CROT: variants seen among roughly 807,000 people sequenced by gnomAD.
CROT encodes carnitine O-octanoyltransferase.
A neutral mutation model predicts 89.2 loss-of-function variants in CROT; 84 were observed. That is an observed-to-expected ratio of 0.94 (90% CI 0.79 to 1.13). The LOEUF is 1.13. CROT is among the 50% of genes most tolerant of loss of function. The probability of loss-of-function intolerance (pLI) is 0.00; values close to 1 mark genes in which losing one functional copy is unlikely to be tolerated. For missense variants in CROT, 711 were observed against 727.8 expected (o/e 0.98, Z 0.27); for synonymous variants, 212 against 239.5 (o/e 0.89, Z 1.06).
Position 87,392,652 on chromosome 7 carries a change from A to G in CROT, c.1504+8A>G, listed in dbSNP as rs775895678. ...ATTGTTCAGCTGGAAAAGGTACTTAAGTTAAAATTTTTCTGACTTAAAAAT... is the reference window on the plus strand; with the variant it reads ...ATTGTTCAGCTGGAAAAGGTACTTAGGTTAAAATTTTTCTGACTTAAAAAT... On this transcript the variant is annotated splice_region_variant and intron_variant, in intron 15 of 17. Transcript: ENST00000331536. The G allele has an allele frequency of 1.2e-6, 2 of 1,612,520 alleles. No homozygotes were observed. The highest frequency in any genetic ancestry group is 1.7e-6 in the Non-Finnish European group (2 of 1,179,156).
intron 3 of CROT, among the ~76,000 whole-genome samples, chr7:87,353,348 C>T (rs2115803282): frequency 6.6e-6 from 1 of 152,084 alleles, no homozygotes; most frequent in Admixed American, 6.6e-5. Flanking sequence ...GGGGTTTTGT[C>T]AAGTTGGCCA....
chr7:87,382,110 G>A lies in CROT; in HGVS notation c.1099G>A (p.Glu367Lys), dbSNP rs746654523. 1.9e-6 allele frequency: 3 copies of A among 1,613,378 alleles called. No homozygotes were observed. In the East Asian group the frequency reaches 6.7e-5, roughly 36 times the overall value. Reference protein sequence around the residue: ...EKVRDIPLPEELIFIVDEKVL... With the variant: ...EKVRDIPLPEKLIFIVDEKVL... Reference sequence around the variant, plus strand: ...GGTACGAGATATACCACTTCCAGAAGAGCTCATTTTCATTGTGGATGAGAA... The same window carrying A: ...GGTACGAGATATACCACTTCCAGAAAAGCTCATTTTCATTGTGGATGAGAA... The change falls in exon 12 of 18, where the codon GAG becomes AAG. Residue 367 changes from glutamate to lysine, a missense_variant. By Grantham distance (56) the Glu-to-Lys change is moderately conservative. Transcript: ENST00000331536.
intron 3 of CROT, among the ~76,000 whole-genome samples, chr7:87,350,311 G>T (rs1331702090): frequency 6.6e-6 from 1 of 152,154 alleles, no homozygotes; most frequent in Non-Finnish European, 1.5e-5. Context: ...GTTAAAGAAT[G>T]TATAAAGCCA....
chr7:87,367,091 G>C (rs802052), intron 6 of CROT, among the ~76,000 whole-genome samples: 3,361 of 152,272 alleles, frequency 0.022, 133 homozygotes, highest in African/African-American at 0.076. Context: ...TCTAATCCCT[G>C]AAATTGTTAA....
At chr7:87,397,438 T>C (rs535625022) in intron 17 of CROT, among the ~76,000 whole-genome samples, 1 of 152,322 alleles carries the variant, frequency 6.6e-6, no homozygotes, top group East Asian at 1.9e-4. Context: ...GTTTTCATTG[T>C]TTTTGGCATT....
chr7:87,380,405 T>A (rs185972003), intron 10 of CROT, among the ~76,000 whole-genome samples: 1 of 152,274 alleles, frequency 6.6e-6, no homozygotes, highest in East Asian at 1.9e-4. Flanking sequence ...GTAAGTACTG[T>A]GTAAGTGGTA....
chr7:87,361,927 T>TA (rs1249573232), intron 6 of CROT, 75 bp downstream of exon 6: 69 of 1,319,558 alleles, frequency 5.2e-5, no homozygotes, highest in Non-Finnish European at 6.4e-5. Flanking sequence ...TGATGGAACA[T>TA]ACACTTTTGA....
At chr7:87,354,944 C>T (rs774251269) in intron 3 of CROT, among the ~76,000 whole-genome samples, 2 of 152,140 alleles carry the variant, frequency 1.3e-5, no homozygotes, top group Non-Finnish European at 2.9e-5. Context: ...ATGACTTACA[C>T]AAACCGTCTA....
Position 87,372,763 on chromosome 7 carries a change from G to A in CROT, c.657-2869G>A, listed in dbSNP as rs189686737. The stretch of plus-strand genomic sequence containing the variant: ...AGCATAATGTTTTCAAGGTTCATCC[G>A]TGTTTTAGCATGTATGAATACTTTA... On this transcript the variant is annotated intron_variant, in intron 7 of 17. Coordinates refer to ENST00000331536, the MANE Select transcript of CROT (RefSeq NM_021151.4). 1.8e-4 allele frequency among the ~76,000 whole-genome samples: 27 copies of A among 152,148 alleles called. 1 individual carries two copies. The highest frequency in any genetic ancestry group is 1.7e-3 in the South Asian group (8 of 4,824).
At chr7:87,398,338 A>G in intron 17 of CROT, 186 bp from the exon 18 acceptor site, 1 of 722,060 alleles carries the variant, frequency 1.4e-6, no homozygotes, top group Non-Finnish European at 2.5e-6. Context: ...CTAATGAATG[A>G]GGTGTTTCTT....
At chr7:87,356,713 C>T (rs1480177746) in intron 3 of CROT, among the ~76,000 whole-genome samples, 1 of 152,112 alleles carries the variant, frequency 6.6e-6, no homozygotes, top group African/African-American at 2.4e-5. Flanking sequence ...CATCTGAGTC[C>T]TGCAATGTTT....
At position 87,399,474 on chromosome 7, in the gene CROT, CAAA is replaced by C. The variant is rs1423357294; in HGVS notation, c.*831_*833del. ...TGGGCAAGAGCGTGAGACCCTGTCT[CAAA>C]GAAGAAAAAAAGAGAAAAATAACTC... On this transcript the variant is annotated 3_prime_UTR_variant, in exon 18 of 18. Transcript: ENST00000331536. The C allele has an allele frequency of 6.6e-6, 1 of 151,472 alleles. No individual in the cohort carries two copies. The allele number at this position is 151,472 out of a possible 1,614,324, so 9.4% of individuals were successfully genotyped here.
intron 13 of CROT, among the ~76,000 whole-genome samples, chr7:87,388,829 G>T (rs1374380800): frequency 1.3e-5 from 2 of 152,138 alleles, no homozygotes; most frequent in African/African-American, 4.8e-5. Context: ...TATCATCAGA[G>T]TGAACAGGCA....
chr7:87,389,632 G>A (rs557698593), intron 13 of CROT, among the ~76,000 whole-genome samples: 1 of 152,140 alleles, frequency 6.6e-6, no homozygotes, highest in South Asian at 2.1e-4. Context: ...TGGGGTGGGG[G>A]GCTAGGGGAG....
At chr7:87,363,918 T>C (rs1215564861) in intron 6 of CROT, among the ~76,000 whole-genome samples, 1 of 152,184 alleles carries the variant, frequency 6.6e-6, no homozygotes, top group East Asian at 1.9e-4. Flanking sequence ...AGCAGGAATA[T>C]TCATATATTG....
At chr7:87,384,887 G>C (rs938655328) in intron 13 of CROT, among the ~76,000 whole-genome samples, 2 of 152,108 alleles carry the variant, frequency 1.3e-5, no homozygotes, top group African/African-American at 2.4e-5. Flanking sequence ...TTTGAATTTT[G>C]TACACGGTAA....
intron 6 of CROT, among the ~76,000 whole-genome samples, chr7:87,363,831 T>C (rs143365891): frequency 3.0e-4 from 46 of 152,338 alleles, no homozygotes; most frequent in African/African-American, 1.0e-3. Context: ...AAGTAAGTCA[T>C]GATAATGGCT....
chr7:87,367,238 A>T (rs1806477543), intron 6 of CROT, among the ~76,000 whole-genome samples: 1 of 152,186 alleles, frequency 6.6e-6, no homozygotes, highest in African/African-American at 2.4e-5. Context: ...AGGGAGGCAA[A>T]GGAGAGAACC....
intron 3 of CROT, among the ~76,000 whole-genome samples, chr7:87,352,410 T>G (rs1805897236): frequency 6.6e-6 from 1 of 152,162 alleles, no homozygotes; most frequent in Admixed American, 6.5e-5. Context: ...CTAGGCCAGA[T>G]GGGAATGGAG....
Sources: allele counts gnomAD v4.1 joint callset (sites outside exome capture counted in the v4.1 genomes callset), GRCh38; gene constraint gnomAD v4.1.1; transcripts MANE v1.5; gene names NCBI Gene and HGNC (gene_info 2026-07-23, HGNC 2026-07-21).